Variants in PISD observed in about 807,000 individuals in gnomAD.
The protein encoded by PISD is phosphatidylserine decarboxylase proenzyme, mitochondrial.
In PISD, 31 loss-of-function variants were observed where a neutral mutation model predicts 43.5. The ratio of observed to expected loss-of-function variants is 0.71; its 90% CI spans 0.54 to 0.96. The LOEUF is 0.96. PISD is among the 40% of genes least tolerant of loss of function. PISD has a pLI of 0.00. For missense variants in PISD, 523 were observed against 548.4 expected, an observed-to-expected ratio of 0.95 and a Z score of 0.46; for synonymous variants, 259 against 228.7, an observed-to-expected ratio of 1.13 and a Z score of -1.20.
chr22:31,620,918 T>C, intron 6 of PISD, 78 bp downstream of exon 6: 1 of 1,490,626 alleles, frequency 6.7e-7, no homozygotes, highest in Middle Eastern at 2.3e-4. Context: ...TGGAGCCTGG[T>C]CCCCCAACAC....
intron 1 of PISD, among the ~76,000 whole-genome samples, chr22:31,652,825 G>C (rs986805507): frequency 6.6e-6 from 1 of 151,552 alleles, no homozygotes; most frequent in African/African-American, 2.4e-5. Flanking sequence ...GATTGCTTGA[G>C]CCCAGGAGTT....
chr22:31,660,820 G>A (rs527297908), intron 1 of PISD, among the ~76,000 whole-genome samples: 1 of 152,072 alleles, frequency 6.6e-6, no homozygotes, highest in East Asian at 1.9e-4. Context: ...TGCAACCTCC[G>A]CCTCCCAGGT....
At chr22:31,621,515 T>G in intron 4 of PISD, 43 bp from the exon 5 acceptor site, 1 of 1,612,330 alleles carries the variant, frequency 6.2e-7, no homozygotes, top group Non-Finnish European at 8.5e-7. Context: ...GAGCAGGGTC[T>G]CCTCCCCCCA....
chr22:31,621,529 G>A, intron 4 of PISD, 57 bp from the exon 5 acceptor site: 1 of 1,608,044 alleles, frequency 6.2e-7, no homozygotes, highest in Non-Finnish European at 8.5e-7. Flanking sequence ...CCCCCCAGGA[G>A]ACAGCCCCCA....
chr22:31,648,982 T>C (rs541621148), intron 2 of PISD, among the ~76,000 whole-genome samples: 29 of 152,326 alleles, frequency 1.9e-4, no homozygotes, highest in African/African-American at 6.7e-4. Context: ...CTTGCTTTTA[T>C]AATGCAGGCC....
chr22:31,620,330 TCTTCCAGCCA>T (rs1359823835), intron 7 of PISD, among the ~76,000 whole-genome samples: 25 of 152,318 alleles, frequency 1.6e-4, no homozygotes, highest in African/African-American at 2.6e-4. Context: ...TCCCTCCATC[TCTTCCAGCCA>T]CTTCCAGCCA....
In PISD at chr22:31,662,187, G is replaced by C. The variant is rs1000591210; in HGVS notation, c.22C>G (p.Arg8Gly). Residue 8 changes from arginine (R) to glycine (G), a missense_variant, in exon 1 of 8, where the codon CGA (arginine) becomes GGA (glycine). By Grantham distance (125) the Arg-to-Gly change is moderately radical. Transcript: ENST00000439502. MATSVGH[R>G]CLGLLHGVAP... ...ACCCCGTGCAGTAATCCCAGACATC[G>C]GTGCCCCACGGACGTCGCCATCTTG... 3.1e-6 allele frequency: 5 copies of C among 1,605,240 alleles called. No individual in the cohort carries two copies. The highest frequency in any genetic ancestry group is 1.7e-6 in the Non-Finnish European group (2 of 1,179,812).
intron 1 of PISD, among the ~76,000 whole-genome samples, chr22:31,659,752 C>T (rs910257627): frequency 1.3e-5 from 2 of 152,028 alleles, no homozygotes; most frequent in Non-Finnish European, 2.9e-5. Context: ...CCACCACACC[C>T]GGCTAATTTT....
At position 31,625,996 on chromosome 22, in the gene PISD, G is replaced by A. The variant is rs1181546023; in HGVS notation, c.322-4111C>T. ...TGGTTCAGTCTCGGTGGCTCACAGG[G>A]TGCAGAATAGAGGGTCAGGGCTATT... On this transcript the variant is annotated intron_variant, in intron 3 of 7. Transcript: ENST00000439502. 3 of 1,453,130 alleles carry A rather than the reference G, an allele frequency of 2.1e-6. No individual in the cohort carries two copies. In the East Asian group the frequency reaches 7.5e-5, roughly 36 times the overall value. 90.0% of individuals were successfully genotyped at this position (1,453,130 alleles called of 1,614,324 possible).
intron 1 of PISD, among the ~76,000 whole-genome samples, chr22:31,652,561 C>A (rs1041659223): frequency 1.3e-5 from 2 of 151,772 alleles, no homozygotes; most frequent in African/African-American, 4.8e-5. Context: ...AATCCCAGCA[C>A]TTTGGGAGGC....
At chr22:31,640,880 G>GTTTTTTTTTTTTTTTT in intron 3 of PISD, among the ~76,000 whole-genome samples, 553 of 24,582 alleles carry the variant, frequency 0.022, 200 homozygotes, top group African/African-American at 0.036. Flanking sequence ...CACACCCGGT[G>GTTTTTTTTTTTTTTTT]TTTTTTTTTT....
chr22:31,638,381 C>A (rs184102885), intron 3 of PISD: 29 of 985,460 alleles, frequency 2.9e-5, no homozygotes, highest in Non-Finnish European at 3.4e-5. Flanking sequence ...CTTGACCTAA[C>A]TGCAAGCAAA....
In PISD at chr22:31,658,399, C is replaced by T. The variant is rs11912189; in HGVS notation, c.65+3745G>A. 5.4e-3 allele frequency among the ~76,000 whole-genome samples: 826 copies of T among 152,244 alleles called. 9 individuals are homozygous for T. Among genetic ancestry groups the T allele is most frequent in the African/African-American group, 0.019 (796 of 41,556 alleles). On this transcript the variant is annotated intron_variant, in intron 1 of 7. Transcript: ENST00000439502. Reference sequence around the variant, plus strand: ...CTCATTAGAAGACAATCATGCAAAACCTTAGCTCAGGGCCTGGCACCTAGT... The same window carrying T: ...CTCATTAGAAGACAATCATGCAAAATCTTAGCTCAGGGCCTGGCACCTAGT...
chr22:31,638,688 T>C (rs2073592755), intron 3 of PISD: 1 of 931,560 alleles, frequency 1.1e-6, no homozygotes, highest in Admixed American at 6.2e-5. Context: ...GGTTTTGCTA[T>C]GTTGCCCAGG....
At chr22:31,650,583 G>A (rs2074005005) in intron 2 of PISD, 116 bp downstream of exon 2, 2 of 578,790 alleles carry the variant, frequency 3.5e-6, no homozygotes, top group East Asian at 3.0e-5. Context: ...TGCATGCCAG[G>A]TACTTTCCAC....
At chr22:31,622,497 G>A (rs977775228) in intron 3 of PISD, among the ~76,000 whole-genome samples, 1 of 152,220 alleles carries the variant, frequency 6.6e-6, no homozygotes, top group Non-Finnish European at 1.5e-5. Flanking sequence ...CACAGGTCCA[G>A]CCAGCACTCT....
rs879531927 is a variant in PISD, at chr22:31,628,754, C to T, written c.322-6869G>A. 3.5e-6 allele frequency: 3 copies of T among 868,908 alleles called. No individual in the cohort carries two copies. The East Asian group carries it at 3.6e-4, about 105-fold the overall frequency. The allele number at this position is 868,908 out of a possible 1,614,324, so 53.8% of individuals were successfully genotyped here. On this transcript the variant is annotated intron_variant, in intron 3 of 7. Transcript: ENST00000439502. The stretch of plus-strand genomic sequence containing the variant: ...TCCTCCTGGCCACCCCCTTGAGGCT[C>T]AGAGCACAGCTGCAACCATGGCCCA...
At chr22:31,621,178 CAG>C in intron 5 of PISD, 36 bp from the exon 6 acceptor site, 1 of 1,613,828 alleles carries the variant, frequency 6.2e-7, no homozygotes, top group Non-Finnish European at 8.5e-7. Flanking sequence ...GCCACCAACA[CAG>C]TGAGCACCCA....
chr22:31,661,252 G>A (rs1463886400), intron 1 of PISD, among the ~76,000 whole-genome samples: 1 of 152,128 alleles, frequency 6.6e-6, no homozygotes, highest in Non-Finnish European at 1.5e-5. Context: ...CAAATCCAGT[G>A]TCCGTCTCCT....
Sources: allele counts gnomAD v4.1 joint callset (sites outside exome capture counted in the v4.1 genomes callset), GRCh38; gene constraint gnomAD v4.1.1; transcripts MANE v1.5; gene names NCBI Gene and HGNC (gene_info 2026-07-23, HGNC 2026-07-21).